PDE7B: variants seen among roughly 807,000 people sequenced by gnomAD.
PDE7B encodes the protein phosphodiesterase 7B.
A neutral mutation model predicts 56.2 loss-of-function variants in PDE7B; 29 were observed. The observed-to-expected ratio is 0.52, with a 90% confidence interval of 0.38 to 0.70. PDE7B has a LOEUF of 0.70. PDE7B is among the 30% of genes least tolerant of loss of function. PDE7B has a pLI of 0.00. For missense variants in PDE7B, 490 were observed against 565.0 expected (o/e 0.87, Z 1.35); for synonymous variants, 197 against 196.9 (o/e 1.00, Z 0.00).
At chr6:136,131,053 C>A (rs1778109846) in intron 3 of PDE7B, among the ~76,000 whole-genome samples, 1 of 152,102 alleles carries the variant, frequency 6.6e-6, no homozygotes, top group African/African-American at 2.4e-5. Flanking sequence ...CAAACCATAT[C>A]CATTCTGTAT....
chr6:135,911,435 C>T (rs557609786), intron 1 of PDE7B, among the ~76,000 whole-genome samples: 1 of 152,202 alleles, frequency 6.6e-6, no homozygotes, highest in African/African-American at 2.4e-5. Context: ...TTTCTCAACA[C>T]TCAACAAATA....
At chr6:135,950,579 C>T (rs753130209) in intron 2 of PDE7B, among the ~76,000 whole-genome samples, 13 of 152,210 alleles carry the variant, frequency 8.5e-5, no homozygotes, top group Non-Finnish European at 1.6e-4. Context: ...CAACCTGAGA[C>T]ATCCTCATCT....
intron 1 of PDE7B, among the ~76,000 whole-genome samples, chr6:135,905,791 C>T (rs903686815): frequency 2.0e-5 from 3 of 152,258 alleles, no homozygotes; most frequent in South Asian, 2.1e-4. Flanking sequence ...CAGCATGAAT[C>T]CCAGGCCTTT....
At chr6:136,119,903 C>G (rs1047636092) in intron 3 of PDE7B, among the ~76,000 whole-genome samples, 1 of 152,110 alleles carries the variant, frequency 6.6e-6, no homozygotes, top group Non-Finnish European at 1.5e-5. Context: ...CAGGATTCCC[C>G]TTGAAGGTGG....
chr6:135,957,993 A>G (rs1252616215), intron 2 of PDE7B, among the ~76,000 whole-genome samples: 1 of 152,112 alleles, frequency 6.6e-6, no homozygotes, highest in Non-Finnish European at 1.5e-5. Context: ...GCACTTTGGG[A>G]GGCCGAGGTG....
Position 135,879,383 on chromosome 6 carries a change from C to G in PDE7B, c.21+27364C>G, listed in dbSNP as rs148008533. On this transcript the variant is annotated intron_variant, in intron 1 of 12. Coordinates refer to ENST00000308191, the MANE Select transcript of PDE7B (RefSeq NM_018945.4). ...AAACTCCAACCAGTCAAAACATCAACAAATATAGTAAATAATAATATTCAG... is the reference window on the plus strand; with the variant it reads ...AAACTCCAACCAGTCAAAACATCAAGAAATATAGTAAATAATAATATTCAG... Among the ~76,000 whole-genome samples the G allele has an allele frequency of 4.0e-3, 613 of 152,110 alleles. 4 individuals are homozygous for G. Among genetic ancestry groups the G allele is most frequent in the South Asian group, 0.022 (105 of 4,808 alleles).
chr6:136,057,197 A>C (rs1038217310), intron 2 of PDE7B, among the ~76,000 whole-genome samples: 6 of 152,214 alleles, frequency 3.9e-5, no homozygotes, highest in Non-Finnish European at 7.3e-5. Flanking sequence ...TCTCATTTCT[A>C]CTGATTACCC....
intron 2 of PDE7B, among the ~76,000 whole-genome samples, chr6:135,994,785 C>A (rs1380318230): frequency 4.6e-5 from 7 of 152,122 alleles, no homozygotes; most frequent in African/African-American, 1.7e-4. Context: ...ACGTATTAAA[C>A]AATTCGAGAA....
At chr6:136,187,292 T>A (rs1779158738) in intron 12 of PDE7B, among the ~76,000 whole-genome samples, 176 bp downstream of exon 12, 1 of 152,208 alleles carries the variant, frequency 6.6e-6, no homozygotes, top group Non-Finnish European at 1.5e-5. Context: ...ACTAGCTAAT[T>A]ATCTATTGAG....
At chr6:136,032,430 A>T (rs951671898) in intron 2 of PDE7B, among the ~76,000 whole-genome samples, 1 of 152,222 alleles carries the variant, frequency 6.6e-6, no homozygotes, top group Non-Finnish European at 1.5e-5. Flanking sequence ...TCCAAAATGC[A>T]CTTACAAAGA....
intron 11 of PDE7B, among the ~76,000 whole-genome samples, chr6:136,183,074 A>C (rs79759248): frequency 2.1e-5 from 3 of 145,484 alleles, no homozygotes; most frequent in African/African-American, 7.6e-5. Flanking sequence ...TCCGTCTCCA[A>C]AAAAAAAAAA....
rs115153371 is a variant in PDE7B at position 136,077,493 on chromosome 6, T to C, written c.83-31238T>C. On this transcript the variant is annotated intron_variant, in intron 2 of 12. Coordinates refer to ENST00000308191, the MANE Select transcript of PDE7B (RefSeq NM_018945.4). ...GAAAAAAGGGAAATGTTTTGGATCA[T>C]TGTAAGCCTTAGAGTGTTAGTTGGC... Among the ~76,000 whole-genome samples, 661 of 151,982 alleles carry C rather than the reference T, an allele frequency of 4.3e-3. 4 individuals carry two copies. Among genetic ancestry groups the C allele is most frequent in the African/African-American group, 0.015 (631 of 41,476 alleles).
At chr6:136,048,388 G>GCACA (rs1338810404) in intron 2 of PDE7B, among the ~76,000 whole-genome samples, 7 of 152,142 alleles carry the variant, frequency 4.6e-5, no homozygotes, top group African/African-American at 1.7e-4. Flanking sequence ...GAGGCGTGGT[G>GCACA]GTGGGTGCCT....
intron 10 of PDE7B, among the ~76,000 whole-genome samples, chr6:136,179,939 G>A (rs966771408): frequency 2.6e-5 from 4 of 152,176 alleles, no homozygotes; most frequent in Non-Finnish European, 4.4e-5. Context: ...AATTACATCA[G>A]GGCAGAGTGG....
intron 1 of PDE7B, among the ~76,000 whole-genome samples, chr6:135,862,999 T>C (rs1296904050): frequency 6.6e-6 from 1 of 151,954 alleles, no homozygotes; most frequent in Non-Finnish European, 1.5e-5. Flanking sequence ...TGTTTCCTAG[T>C]ATAATTCTAC....
intron 9 of PDE7B, among the ~76,000 whole-genome samples, chr6:136,176,886 TG>T (rs903799277): frequency 1.7e-4 from 26 of 152,198 alleles, no homozygotes; most frequent in African/African-American, 6.3e-4. Flanking sequence ...TATCACATTG[TG>T]GTTTTAATTT....
At chr6:136,070,846 A>G (rs533317322) in intron 2 of PDE7B, among the ~76,000 whole-genome samples, 2 of 152,324 alleles carry the variant, frequency 1.3e-5, no homozygotes, top group Admixed American at 1.3e-4. Flanking sequence ...AAAACAAACT[A>G]CTTGGGCTTA....
intron 9 of PDE7B, among the ~76,000 whole-genome samples, chr6:136,176,914 A>C: frequency 6.6e-6 from 1 of 152,220 alleles, no homozygotes; most frequent in African/African-American, 2.4e-5. Flanking sequence ...TGCTATACTA[A>C]GAATATTTAA....
intron 2 of PDE7B, among the ~76,000 whole-genome samples, chr6:136,001,655 G>T (rs1310294136): frequency 6.6e-6 from 1 of 152,060 alleles, no homozygotes; most frequent in Non-Finnish European, 1.5e-5. Context: ...AGAGAAAAAA[G>T]AATAAAAAGA....
Sources: gnomAD v4.1 joint callset for allele counts (sites outside exome capture counted in the v4.1 genomes callset) on GRCh38, gnomAD v4.1.1 for gene constraint, MANE v1.5 for transcripts, NCBI Gene and HGNC (gene_info 2026-07-23, HGNC 2026-07-21) for gene names.